Variants in COL28A1 observed in about 807,000 individuals in gnomAD.
COL28A1 encodes collagen alpha-1(XXVIII) chain.
Under a neutral mutation model 150.2 loss-of-function variants are expected in COL28A1, and 161 were observed. That is an observed-to-expected ratio of 1.07 (90% CI 0.94 to 1.22). The LOEUF is 1.22. COL28A1 is among the 50% of genes most tolerant of loss of function. COL28A1 has a pLI of 0.00. For missense variants in COL28A1, 1,617 were observed against 1,388.3 expected (o/e 1.16, Z -2.62); for synonymous variants, 552 against 469.7 (o/e 1.18, Z -2.26).
intron 13 of COL28A1, 115 bp downstream of exon 13, chr7:7,489,274 A>C: frequency 2.9e-6 from 2 of 688,730 alleles, no homozygotes; most frequent in Non-Finnish European, 2.6e-6. Context: ...TCTCAAAAAA[A>C]TAAATAAATA....
chr7:7,384,254 T>C (rs933702562), intron 27 of COL28A1, among the ~76,000 whole-genome samples: 1 of 152,172 alleles, frequency 6.6e-6, no homozygotes, highest in Non-Finnish European at 1.5e-5. Flanking sequence ...GTATGCAGTG[T>C]TGCACTACAA....
At chr7:7,400,972 TTGGGTG>T (rs1361615107) in intron 27 of COL28A1, among the ~76,000 whole-genome samples, 2 of 74,000 alleles carry the variant, frequency 2.7e-5, no homozygotes, top group Non-Finnish European at 5.6e-5. Context: ...GTGTGGGTAT[TTGGGTG>T]TGTGTGTGTG....
intron 15 of COL28A1, among the ~76,000 whole-genome samples, chr7:7,464,392 A>C (rs1050915723): frequency 6.6e-6 from 1 of 152,246 alleles, no homozygotes; most frequent in African/African-American, 2.4e-5. Context: ...ACCTTCTCCA[A>C]GATAAAACAT....
chr7:7,448,471 T>C (rs979907770), intron 18 of COL28A1, among the ~76,000 whole-genome samples: 3 of 135,142 alleles, frequency 2.2e-5, no homozygotes, highest in Non-Finnish European at 4.5e-5. Flanking sequence ...TAAGCAAAGA[T>C]TTTTTTTTTG....
chr7:7,464,236 C>A (rs1787868317), intron 15 of COL28A1, among the ~76,000 whole-genome samples: 1 of 152,170 alleles, frequency 6.6e-6, no homozygotes, highest in Admixed American at 6.5e-5. Context: ...ACTGCACTGA[C>A]AGCACTAGAC....
chr7:7,519,398 TA>T (rs1421134097), intron 6 of COL28A1, among the ~76,000 whole-genome samples: 1 of 152,212 alleles, frequency 6.6e-6, no homozygotes, highest in Non-Finnish European at 1.5e-5. Flanking sequence ...AGTGGGGACA[TA>T]ACCAAAGCAT....
At chr7:7,368,966 A>G (rs1026960546) in intron 33 of COL28A1, among the ~76,000 whole-genome samples, 2 of 152,248 alleles carry the variant, frequency 1.3e-5, no homozygotes, top group African/African-American at 4.8e-5. Context: ...AGCTTCTCTC[A>G]GGCAGGAGCC....
At chr7:7,464,254 C>T (rs780402532) in intron 15 of COL28A1, among the ~76,000 whole-genome samples, 20 of 152,106 alleles carry the variant, frequency 1.3e-4, no homozygotes, top group African/African-American at 2.7e-4. Flanking sequence ...GACAGGTCAT[C>T]GAGACAGAAC....
intron 31 of COL28A1, among the ~76,000 whole-genome samples, chr7:7,375,256 T>G (rs1781480622): frequency 6.6e-6 from 1 of 152,188 alleles, no homozygotes; most frequent in African/African-American, 2.4e-5. Flanking sequence ...TTAACCAGCC[T>G]GGGAAGATGA....
At chr7:7,367,490 A>G (rs1414174755) in intron 33 of COL28A1, among the ~76,000 whole-genome samples, 1 of 152,222 alleles carries the variant, frequency 6.6e-6, no homozygotes, top group Non-Finnish European at 1.5e-5. Flanking sequence ...GAGAAGGTCA[A>G]GTTCATTGCA....
intron 21 of COL28A1, among the ~76,000 whole-genome samples, chr7:7,440,473 G>C (rs915641133): frequency 2.6e-5 from 4 of 152,162 alleles, no homozygotes; most frequent in Admixed American, 1.3e-4. Context: ...AGCAAAGCAA[G>C]ATTATGAAGA....
In COL28A1 at chr7:7,502,975, G is replaced by A. The variant is rs905745372; in HGVS notation, c.1026+3039C>T. Reference sequence around the variant, plus strand: ...GCCTCCCAAAGTGCTGGGATTACAGGCGTGATATTCCCTTCCTTTTTCCTG... The same window carrying A: ...GCCTCCCAAAGTGCTGGGATTACAGACGTGATATTCCCTTCCTTTTTCCTG... On this transcript the variant is annotated intron_variant, in intron 11 of 34. Coordinates refer to ENST00000399429, the MANE Select transcript of COL28A1 (RefSeq NM_001037763.3). Among the ~76,000 whole-genome samples, 2 of 46,210 alleles carry A rather than the reference G, an allele frequency of 4.3e-5. 1 individual carries two copies. Among genetic ancestry groups the A allele is most frequent in the South Asian group, 1.2e-3 (2 of 1,714 alleles). The allele number at this position is 46,210 out of a possible 152,430, so 30.3% of individuals were successfully genotyped here. A position where few individuals can be genotyped will look rare whatever the true frequency, so the allele number is the denominator to read the frequency against.
intron 3 of COL28A1, among the ~76,000 whole-genome samples, chr7:7,531,105 C>T (rs1782324412): frequency 6.6e-6 from 1 of 152,138 alleles, no homozygotes; most frequent in Non-Finnish European, 1.5e-5. Flanking sequence ...CCAAAATCCT[C>T]AGCATCAGCT....
At position 7,422,799 on chromosome 7, in the gene COL28A1, C is replaced by T. The variant is rs542514873; in HGVS notation, c.1999-2846G>A. On this transcript the variant is annotated intron_variant, in intron 25 of 34. Transcript: ENST00000399429. ...GCTTTGAGTGTCCCCAAGTTCCTGCCGGCTATTACTACCAGCTTACAGTAA... is the reference window on the plus strand; with the variant it reads ...GCTTTGAGTGTCCCCAAGTTCCTGCTGGCTATTACTACCAGCTTACAGTAA... Among the ~76,000 whole-genome samples, 5 of 152,206 alleles carry T rather than the reference C, an allele frequency of 3.3e-5. No individual in the cohort carries two copies. In the East Asian group the frequency reaches 5.8e-4, roughly 18 times the overall value.
chr7:7,412,495 T>G (rs953098717), intron 27 of COL28A1, among the ~76,000 whole-genome samples: 1 of 152,098 alleles, frequency 6.6e-6, no homozygotes, highest in African/African-American at 2.4e-5. Context: ...CTAGGCCTTG[T>G]TCCTGGAAAA....
At chr7:7,374,038 A>AAAAAAAAAAAAAATATAT in intron 31 of COL28A1, among the ~76,000 whole-genome samples, 46 of 113,622 alleles carry the variant, frequency 4.0e-4, no homozygotes, top group African/African-American at 1.6e-3. Flanking sequence ...AAAAAAAAAA[A>AAAAAAAAAAAAAATATAT]ATATATATAT....
intron 13 of COL28A1, among the ~76,000 whole-genome samples, chr7:7,479,810 T>C (rs957516005): frequency 5.3e-5 from 8 of 151,946 alleles, no homozygotes; most frequent in Non-Finnish European, 8.8e-5. Flanking sequence ...AATGGAAAAA[T>C]AAAAGAGTAA....
At chr7:7,339,136 G>A in the COL28A1 span, among the ~76,000 whole-genome samples, 1 of 152,136 alleles carries the variant, frequency 6.6e-6, no homozygotes, top group African/African-American at 2.4e-5. Flanking sequence ...AATAAATGCT[G>A]ATTGTTTTAA....
At position 7,504,153 on chromosome 7, in the gene COL28A1, C is replaced by T. The variant is rs117740064; in HGVS notation, c.1026+1861G>A. 6.0e-3 allele frequency among the ~76,000 whole-genome samples: 911 copies of T among 152,174 alleles called. 6 individuals are homozygous for T. The highest frequency in any genetic ancestry group is 0.015 in the South Asian group (71 of 4,812). On this transcript the variant is annotated intron_variant, in intron 11 of 34. Coordinates refer to ENST00000399429, the MANE Select transcript of COL28A1 (RefSeq NM_001037763.3). ...CTTAATGCACTGCTGAAATTAAAGG[C>T]CAAATTTTATTGAAATATGTTTTTA...
Sources: gnomAD v4.1 joint callset for allele counts (sites outside exome capture counted in the v4.1 genomes callset) on GRCh38, gnomAD v4.1.1 for gene constraint, MANE v1.5 for transcripts, NCBI Gene and HGNC (gene_info 2026-07-23, HGNC 2026-07-21) for gene names.